IGF2R: variants seen among roughly 807,000 people sequenced by gnomAD.
IGF2R encodes the protein cation-independent mannose-6-phosphate receptor.
In IGF2R, 91 loss-of-function variants were observed where a neutral mutation model predicts 270.6. That is an observed-to-expected ratio of 0.34 (90% confidence interval 0.28 to 0.40). IGF2R has a LOEUF of 0.40. Ranked by LOEUF, IGF2R falls within the 10% of genes least tolerant of loss-of-function variation. The pLI is 1.00. For missense variants in IGF2R, 2,805 were observed against 3,188.3 expected (o/e 0.88, Z 2.90); for synonymous variants, 1,316 against 1,258.9 (o/e 1.05, Z -0.96).
intron 2 of IGF2R, chr6:160,005,256 G>C (rs1784199013): frequency 6.6e-6 from 1 of 152,538 alleles, no homozygotes; most frequent in Non-Finnish European, 1.5e-5. Context: ...GGGTTCCGGC[G>C]GGCAGCCGCG....
chr6:159,981,409 C>G (rs540448807), intron 1 of IGF2R, among the ~76,000 whole-genome samples: 8 of 152,104 alleles, frequency 5.3e-5, no homozygotes, highest in African/African-American at 1.4e-4. Context: ...GAGATGCCTC[C>G]GGACAGGGGC....
intron 2 of IGF2R, among the ~76,000 whole-genome samples, chr6:159,994,785 A>G (rs1003506945): frequency 2.6e-5 from 4 of 152,138 alleles, no homozygotes; most frequent in African/African-American, 9.7e-5. Flanking sequence ...TTCTAGTTTT[A>G]TTCCGCTGTG....
At chr6:159,978,533 G>A (rs1783729395) in intron 1 of IGF2R, among the ~76,000 whole-genome samples, 3 of 152,096 alleles carry the variant, frequency 2.0e-5, no homozygotes, top group Non-Finnish European at 4.4e-5. Context: ...CCTCACTTAG[G>A]CCTCTCCAGG....
At chr6:159,990,698 C>T (rs1229306397) in intron 1 of IGF2R, among the ~76,000 whole-genome samples, 4 of 152,030 alleles carry the variant, frequency 2.6e-5, no homozygotes, top group African/African-American at 4.8e-5. Flanking sequence ...GGCACGATCT[C>T]GGCTCACTGC....
At chr6:160,037,777 T>TTGGGGA (rs1777859741) in intron 10 of IGF2R, among the ~76,000 whole-genome samples, 1 of 152,148 alleles carries the variant, frequency 6.6e-6, no homozygotes, top group South Asian at 2.1e-4. Flanking sequence ...GTGCTAGTCT[T>TTGGGGA]TGGGGATGGG....
chr6:160,062,665 A>G (rs1778466782), intron 26 of IGF2R, 46 bp downstream of exon 26: 1 of 1,391,448 alleles, frequency 7.2e-7, no homozygotes, highest in African/African-American at 1.4e-5. Context: ...TGTATAGAGT[A>G]GCAGACGTTC....
chr6:159,976,892 C>T (rs144968818), intron 1 of IGF2R, among the ~76,000 whole-genome samples: 35 of 152,230 alleles, frequency 2.3e-4, no homozygotes, highest in African/African-American at 7.7e-4. Context: ...AAAAAGTTCT[C>T]TGTTTGGGTC....
chr6:160,070,129 C>T (rs954229858), intron 31 of IGF2R, 71 bp downstream of exon 31: 8 of 1,413,320 alleles, frequency 5.7e-6, no homozygotes, highest in Admixed American at 3.7e-5. Flanking sequence ...GGCGGTGAGC[C>T]GCACGTCCTC....
chr6:160,012,773 T>A (rs868709183), intron 4 of IGF2R, among the ~76,000 whole-genome samples: 39,577 of 122,370 alleles, frequency 0.32, 7,388 homozygotes, highest in East Asian at 0.46. Flanking sequence ...ATTTTTTTTT[T>A]TTTTTGTTTG....
At chr6:160,002,603 C>T (rs1429056930) in intron 2 of IGF2R, among the ~76,000 whole-genome samples, 1 of 152,126 alleles carries the variant, frequency 6.6e-6, no homozygotes, top group African/African-American at 2.4e-5. Flanking sequence ...CAGACCTTTG[C>T]AGTTCAACTG....
In IGF2R at chr6:160,061,602, A is replaced by G. The variant is rs746742322; in HGVS notation, c.3362A>G (p.Tyr1121Cys). 7 of 1,614,114 alleles carry G rather than the reference A, an allele frequency of 4.3e-6. No individual in the cohort carries two copies. The highest frequency in any genetic ancestry group is 5.9e-6 in the Non-Finnish European group (7 of 1,179,990). The stretch of plus-strand genomic sequence containing the variant: ...GTCGATGGGAGAAAGAGGACTTTCT[A>G]TTTGAGCGTTTGCAATCCTCTCCCT... ...TSVDGRKRTFYLSVCNPLPYI... is the reference protein window; with the variant it reads ...TSVDGRKRTFCLSVCNPLPYI... Residue 1121 changes from tyrosine (Y) to cysteine (C), a missense_variant, in exon 24 of 48, where the codon TAT becomes TGT. Tyr to Cys is a radical substitution (Grantham distance 194). Around this residue, in one of 2 missense-constraint regions of IGF2R, gnomAD observed 1,851 missense variants for 2,207.2 expected, o/e 0.84. Transcript: ENST00000356956.
chr6:160,056,600 C>G, intron 20 of IGF2R, 75 bp downstream of exon 20: 1 of 935,642 alleles, frequency 1.1e-6, no homozygotes, highest in South Asian at 1.3e-5. Context: ...TGTTCCAGCT[C>G]TGAACCGACC....
In IGF2R at chr6:160,012,143, GA is replaced by G. The variant is rs938377605; in HGVS notation, c.513+1369del. On this transcript the variant is annotated intron_variant, in intron 4 of 47. Coordinates refer to ENST00000356956, the MANE Select transcript of IGF2R (RefSeq NM_000876.4). ...AGGAAAGCCATAAGGAGCATTCAAT[GA>G]AAAAAAAAAAGTTTAAAGTGGAAAG... Among the ~76,000 whole-genome samples the G allele has an allele frequency of 5.8e-4, 84 of 145,620 alleles. No individual in the cohort carries two copies. The East Asian group carries it at 7.7e-3, about 13-fold the overall frequency.
Position 160,006,304 on chromosome 6 carries a change from G to A in IGF2R, c.290-2706G>A, listed in dbSNP as rs1784233463. 4 of 154,312 alleles carry A rather than the reference G, an allele frequency of 2.6e-5. No individual in the cohort carries two copies. In the South Asian group the frequency reaches 5.8e-4, roughly 22 times the overall value. 9.6% of individuals were successfully genotyped at this position (154,312 alleles called of 1,614,324 possible). A position where few individuals can be genotyped will look rare whatever the true frequency, so the allele number is the denominator to read the frequency against. ...CCTTCCGCGTCTCCAGCCCTCATGCGCCTCCAGCTGCGCATCTCCCTAGGC... is the reference window on the plus strand; with the variant it reads ...CCTTCCGCGTCTCCAGCCCTCATGCACCTCCAGCTGCGCATCTCCCTAGGC... On this transcript the variant is annotated intron_variant, in intron 2 of 47. Coordinates refer to ENST00000356956, the MANE Select transcript of IGF2R (RefSeq NM_000876.4).
In IGF2R at chr6:160,033,401, G is replaced by A. The variant is rs544157212; in HGVS notation, c.1211+294G>A. 3.3e-5 allele frequency among the ~76,000 whole-genome samples: 5 copies of A among 152,340 alleles called. No homozygotes were observed. In the South Asian group the frequency reaches 8.3e-4, roughly 25 times the overall value. On this transcript the variant is annotated intron_variant, in intron 9 of 47. Transcript: ENST00000356956. ...TCCTCCCACATTGGCCTCCCAAAGT[G>A]CGTGGATTAGAGGCGTGTGCCTTGG...
chr6:159,999,039 G>C (rs1784090657), intron 2 of IGF2R, among the ~76,000 whole-genome samples: 1 of 152,176 alleles, frequency 6.6e-6, no homozygotes, highest in South Asian at 2.1e-4. Flanking sequence ...CAAGGAAGTT[G>C]AGAGGCTGAA....
At position 160,072,858 on chromosome 6, in the gene IGF2R, A is replaced by G; in HGVS notation, c.4664A>G (p.Glu1555Gly). ...KGLVYMSICG[E>G]NENCPPGVGA... ...TTGGTTTACATGAGCATCTGTGGGG[A>G]GAATGAAAACTGCCCTCCTGGCGTG... The change falls in exon 33 of 48, where the codon GAG becomes GGG. Residue 1555 changes from glutamate (E) to glycine (G), a missense_variant. Coordinates refer to ENST00000356956, the MANE Select transcript of IGF2R (RefSeq NM_000876.4). The G allele has an allele frequency of 6.2e-7, 1 of 1,613,846 alleles. No individual in the cohort carries two copies. Among genetic ancestry groups the G allele is most frequent in the Non-Finnish European group, 8.5e-7 (1 of 1,179,910 alleles).
chr6:160,102,441 G>A lies in IGF2R; in HGVS notation c.6843-78G>A. ...GAAAGTCAGAGCTGCTCTTGCCTTG[G>A]GGACTCAGGTCTCAGGTTGTGGCTG... is the stretch of plus-strand genomic sequence containing the variant. On this transcript the variant is annotated intron_variant, in intron 45 of 47. Coordinates refer to ENST00000356956, the MANE Select transcript of IGF2R (RefSeq NM_000876.4). The surrounding 1 kb of genome is among the most constrained non-coding windows in gnomAD (Gnocchi z 4.5). 2 of 1,504,594 alleles carry A rather than the reference G, an allele frequency of 1.3e-6. No individual in the cohort carries two copies. Among genetic ancestry groups the A allele is most frequent in the African/African-American group, 1.4e-5 (1 of 72,964 alleles). The allele number at this position is 1,504,594 out of a possible 1,614,324, so 93.2% of individuals were successfully genotyped here.
intron 42 of IGF2R, among the ~76,000 whole-genome samples, chr6:160,088,724 A>G (rs1015269494): frequency 8.5e-5 from 13 of 152,210 alleles, no homozygotes; most frequent in African/African-American, 3.1e-4. Context: ...TTAAACAAAA[A>G]TCTAAAAATC....
Sources: gnomAD v4.1 joint callset for allele counts (sites outside exome capture counted in the v4.1 genomes callset) on GRCh38, gnomAD v4.1.1 for gene constraint, gnomAD v4.1.1 regional missense constraint, Gnocchi (gnomAD v3.1) non-coding constraint, MANE v1.5 for transcripts, NCBI Gene and HGNC (gene_info 2026-07-23, HGNC 2026-07-21) for gene names.